The following RECQL4 variants were observed in gnomAD, a reference collection of about 807,000 sequenced individuals.
RECQL4 encodes the protein RecQ like helicase 4, also known as ATP-dependent DNA helicase Q4.
A neutral mutation model predicts 128.6 loss-of-function variants in RECQL4; 158 were observed. The observed-to-expected ratio is 1.23, with a 90% confidence interval of 1.08 to 1.40. The LOEUF (loss-of-function observed/expected upper bound fraction) is 1.40. Ranked by LOEUF, RECQL4 falls within the 40% of genes most tolerant of loss-of-function variation. The pLI, the probability that RECQL4 is intolerant of heterozygous loss-of-function variation, is 0.00. For missense variants in RECQL4, 2,293 were observed against 1,649.8 expected, an observed-to-expected ratio of 1.39 and a Z score of -6.75; for synonymous variants, 996 against 678.9, an observed-to-expected ratio of 1.47 and a Z score of -7.26.
chr8:144,511,333 C>T lies in RECQL4; in HGVS notation c.*98G>A, dbSNP rs910516641. The T allele has an allele frequency of 1.7e-5, 27 of 1,571,830 alleles. No individual in the cohort carries two copies. Among genetic ancestry groups the T allele is most frequent in the South Asian group, 1.3e-4 (11 of 87,254 alleles). Reference sequence around the variant, plus strand: ...TTTATTCTGCATTTTGGAGCCTCCTCGTTCCCACACCCTGTGGCAGGTTTT... The same window carrying T: ...TTTATTCTGCATTTTGGAGCCTCCTTGTTCCCACACCCTGTGGCAGGTTTT... On this transcript the variant is annotated 3_prime_UTR_variant, in exon 21 of 21. Transcript: ENST00000617875.
In RECQL4 at chr8:144,511,623, C is replaced by A. The variant is rs2130650125; in HGVS notation, c.3502+58G>T. On this transcript the variant is annotated intron_variant, in intron 20 of 20. Transcript: ENST00000617875. ...CTGCAGCGGGTGGAGCCTCCCAGGC[C>A]TCACCTGCCCCAGCCCCCAGCCCCA... The A allele has an allele frequency of 1.9e-6, 3 of 1,606,728 alleles. No homozygotes were observed. In the Admixed American group the frequency reaches 5.0e-5, roughly 27 times the overall value.
Position 144,517,114 on chromosome 8 carries a change from C to T in RECQL4, c.290G>A (p.Ser97Asn), listed in dbSNP as rs773114060. Residue 97 changes from serine (S) to asparagine (N), a missense_variant, in exon 4 of 21, where the codon AGC becomes AAC. Coordinates refer to ENST00000617875, the MANE Select transcript of RECQL4 (RefSeq NM_004260.4). ...GTAGTCCGGCACCGAGCCCTGGCGGCTCCGCCCTGGCGTAGACTGTGGACT... is the reference window on the plus strand; with the variant it reads ...GTAGTCCGGCACCGAGCCCTGGCGGTTCCGCCCTGGCGTAGACTGTGGACT... Reference protein sequence around the residue: ...TKSPQSTPGRSRQGSVPDYGQ... With the variant: ...TKSPQSTPGRNRQGSVPDYGQ... 6 of 1,612,360 alleles carry T rather than the reference C, an allele frequency of 3.7e-6. No homozygotes were observed. The highest frequency in any genetic ancestry group is 5.1e-6 in the Non-Finnish European group (6 of 1,179,742).
rs899474226 is a variant in RECQL4 at position 144,515,239 on chromosome 8, G to A, written c.1394C>T (p.Thr465Met). 33 of 1,593,190 alleles carry A rather than the reference G, an allele frequency of 2.1e-5. No homozygotes were observed. Among genetic ancestry groups the A allele is most frequent in the East Asian group, 1.8e-4 (8 of 43,640 alleles). Residue 465 changes from threonine to methionine, a missense_variant, in exon 8 of 21, where the codon ACG (threonine) becomes ATG (methionine). Thr to Met is a moderately conservative substitution (Grantham distance 81, BLOSUM62 -1). Transcript: ENST00000617875. ...SLGPSGQLAE[T>M]PAEVFQALEQ... is the part of the protein sequence containing the mutation. ...CAGGGCCTGGAACACCTCAGCCGGC[G>A]TCTCTGCAGACACAGATGTTGATCA... is the stretch of plus-strand genomic sequence containing the variant.
In RECQL4 at chr8:144,516,437, G is replaced by A. The variant is rs1316434470; in HGVS notation, c.682C>T (p.Leu228Phe). The change falls in exon 5 of 21, where the codon CTT becomes TTT. Residue 228 changes from leucine to phenylalanine, a missense_variant. Physicochemically the swap from Leu to Phe is conservative, Grantham distance 22. Transcript: ENST00000617875. ...QLLIPGESAVLGPGAGSQGPE... is the reference protein window; with the variant it reads ...QLLIPGESAVFGPGAGSQGPE... ...CCCTGGGAGCCAGCACCAGGACCAA[G>A]GACAGCCGACTCACCAGGGATCAGA... 8.1e-6 allele frequency: 13 copies of A among 1,608,826 alleles called. No individual in the cohort carries two copies. The highest frequency in any genetic ancestry group is 1.1e-5 in the Non-Finnish European group (13 of 1,179,770).
rs886042531 is a variant in RECQL4, at chr8:144,517,778, G to A, written c.7C>T (p.Arg3Trp). 1.6e-6 allele frequency: 2 copies of A among 1,238,202 alleles called. No homozygotes were observed. The highest frequency in any genetic ancestry group is 3.2e-5 in the African/African-American group (2 of 63,320). 76.7% of individuals were successfully genotyped at this position (1,238,202 alleles called of 1,614,324 possible). A position where few individuals can be genotyped will look rare whatever the true frequency, so the allele number is the denominator to read the frequency against. The change falls in exon 1 of 21, where the codon CGG (arginine) becomes TGG (tryptophan). Residue 3 changes from arginine to tryptophan, a missense_variant. Physicochemically the swap from Arg to Trp is moderately radical, Grantham distance 101 (BLOSUM62 -3). Transcript: ENST00000617875. ...AGCCGCTCCCGCACGTCCCGCAGCC[G>A]CTCCATGGCGCGCGCGCCCGCCCGG... ME[R>W]LRDVRERLQA...
At position 144,511,421 on chromosome 8, in the gene RECQL4, T is replaced by C. The variant is rs752292609; in HGVS notation, c.*10A>G. Reference sequence around the variant, plus strand: ...CCCAGCTCTACCCGACATCCCCCAATGCAGTGCAGTCAGCGGGCCACCTGC... The same window carrying C: ...CCCAGCTCTACCCGACATCCCCCAACGCAGTGCAGTCAGCGGGCCACCTGC... On this transcript the variant is annotated 3_prime_UTR_variant, in exon 21 of 21. Coordinates refer to ENST00000617875, the MANE Select transcript of RECQL4 (RefSeq NM_004260.4). The C allele has an allele frequency of 1.2e-6, 2 of 1,611,688 alleles. No homozygotes were observed. The highest frequency in any genetic ancestry group is 1.3e-5 in the African/African-American group (1 of 74,922).
At chr8:144,517,026 A>C (rs1564810030) in intron 4 of RECQL4, 24 bp downstream of exon 4, 2 of 1,600,472 alleles carry the variant, frequency 1.2e-6, no homozygotes, top group Non-Finnish European at 1.7e-6. Context: ...CCTAGCGTGG[A>C]CTCACTGCCT....
Position 144,515,092 on chromosome 8 carries a change from G to T in RECQL4, c.1484-20C>A. On this transcript the variant is annotated intron_variant, in intron 8 of 20. Transcript: ENST00000617875. ...AGATGCCTGGATGGGGCGGGAGTCAGCAGCAGGGTTCTGCAGCCTGGCCTC... is the reference window on the plus strand; with the variant it reads ...AGATGCCTGGATGGGGCGGGAGTCATCAGCAGGGTTCTGCAGCCTGGCCTC... 2.5e-6 allele frequency: 4 copies of T among 1,595,668 alleles called. No homozygotes were observed. The East Asian group carries it at 9.1e-5, about 36-fold the overall frequency.
chr8:144,512,695 A>G lies in RECQL4; in HGVS notation c.2832T>C (p.His944=), dbSNP rs754047453. ...WLELLATTYT[H]CRLNCPGGPA... is the part of the protein sequence containing the mutation. ...GGCCCCCAGGGCAGTTCAGACGGCA[A>G]TGGGTATAGGTGGTCGCCAGCAGCT... Residue 944 remains histidine (H), a synonymous_variant, in exon 16 of 21, where the codon CAT becomes CAC. Coordinates refer to ENST00000617875, the MANE Select transcript of RECQL4 (RefSeq NM_004260.4). The G allele has an allele frequency of 1.2e-5, 20 of 1,612,348 alleles. No homozygotes were observed. The highest frequency in any genetic ancestry group is 1.6e-4 in the Middle Eastern group (1 of 6,080).
rs1202487329 is a variant in RECQL4 at position 144,516,161 on chromosome 8, G to A, written c.958C>T (p.His320Tyr). Residue 320 changes from histidine (H) to tyrosine (Y), a missense_variant, in exon 5 of 21, where the codon CAC becomes TAC. Transcript: ENST00000617875. The part of the protein sequence containing the change: ...PCSSPSNPRY[H>Y]GLSPSSQARA... The stretch of plus-strand genomic sequence containing the variant: ...GCTTGACTGGAGGGGCTGAGTCCGT[G>A]GTACCTGGGGTTCGATGGGCTGCTG... 3 of 1,613,284 alleles carry A rather than the reference G, an allele frequency of 1.9e-6. No homozygotes were observed. Among genetic ancestry groups the A allele is most frequent in the African/African-American group, 2.7e-5 (2 of 74,916 alleles).
intron 4 of RECQL4, 139 bp downstream of exon 4, chr8:144,516,911 C>T (rs958712045): frequency 7.1e-7 from 1 of 1,406,790 alleles, no homozygotes; most frequent in African/African-American, 1.4e-5. Context: ...GGCGAAGGCC[C>T]CGAGAAGCTC....
At chr8:144,515,949 G>A (rs771505880) in intron 5 of RECQL4, 39 bp downstream of exon 5, 1 of 1,611,896 alleles carries the variant, frequency 6.2e-7, no homozygotes, top group Admixed American at 1.7e-5. Flanking sequence ...GCTGAGGGGA[G>A]GGAAAGGGAA....
Position 144,513,302 on chromosome 8 carries a change from T to C in RECQL4, c.2379A>G (p.Pro793=), listed in dbSNP as rs780098660. 1 of 1,600,192 alleles carries C rather than the reference T, an allele frequency of 6.2e-7. No homozygotes were observed. Among genetic ancestry groups the C allele is most frequent in the Non-Finnish European group, 8.5e-7 (1 of 1,179,282 alleles). ...VRAVLHLGLP[P]SFESYVQAVG... is the part of the protein sequence containing the mutation. ...CGGCCTGCACGTAGCTCTCGAAGCT[T>C]GGGGGCAGCCCCAGATGCAGCACAG... The change falls in exon 14 of 21, where the codon CCA becomes CCG. Residue 793 remains proline (P), a synonymous_variant. Transcript: ENST00000617875.
Position 144,516,599 on chromosome 8 carries a change from G to C in RECQL4, c.520C>G (p.His174Asp), listed in dbSNP as rs369382124. 7 of 1,610,424 alleles carry C rather than the reference G, an allele frequency of 4.3e-6. No homozygotes were observed. The highest frequency in any genetic ancestry group is 5.9e-6 in the Non-Finnish European group (7 of 1,178,940). ...EPQPRPGRLQ[H>D]LQASLSQRLG... ...CGCTGGCTCAGGGATGCCTGCAGATGCTGGAGCCGGCCTGGCCTTGGCTGG... is the reference window on the plus strand; with the variant it reads ...CGCTGGCTCAGGGATGCCTGCAGATCCTGGAGCCGGCCTGGCCTTGGCTGG... Residue 174 changes from histidine (H) to aspartate (D), a missense_variant, in exon 5 of 21, where the codon CAT becomes GAT. By Grantham distance (81) the His-to-Asp change is moderately conservative (BLOSUM62 -1). Coordinates refer to ENST00000617875, the MANE Select transcript of RECQL4 (RefSeq NM_004260.4).
chr8:144,513,043 G>GCAGGTT lies in RECQL4; in HGVS notation c.2558_2559insAACCTG (p.Ala852_Cys853insTer). On this transcript the variant is annotated stop_gained, in exon 15 of 21. Transcript: ENST00000617875. LOFTEE classifies it high-confidence loss of function. ...AGGGCGGCCTGGTGCAGGTGCAGGT[G>GCAGGTT]CAGGCTGGGAACACGCGCTGTACCA... The GCAGGTT allele has an allele frequency of 6.3e-7, 1 of 1,577,136 alleles. No individual in the cohort carries two copies. The highest frequency in any genetic ancestry group is 8.6e-7 in the Non-Finnish European group (1 of 1,162,882).
chr8:144,513,397 G>C lies in RECQL4; in HGVS notation c.2284C>G (p.Gln762Glu), dbSNP rs779206085. 2 of 1,608,428 alleles carry C rather than the reference G, an allele frequency of 1.2e-6. No individual in the cohort carries two copies. Among genetic ancestry groups the C allele is most frequent in the African/African-American group, 2.7e-5 (2 of 74,944 alleles). Residue 762 changes from glutamine to glutamate, a missense_variant, in exon 14 of 21, where the codon CAG becomes GAG. By Grantham distance (29) the Gln-to-Glu change is conservative (BLOSUM62 2). Transcript: ENST00000617875. ...GCCACCACCACCCGCAACTGGCCCT[G>C]CATGAAGGCTCGCTGTACCCGCCGC... is the stretch of plus-strand genomic sequence containing the variant. Reference protein sequence around the residue: ...ERRRVQRAFMQGQLRVVVATV... With the variant: ...ERRRVQRAFMEGQLRVVVATV...
In RECQL4 at chr8:144,516,046, A is replaced by C. The variant is rs376652305; in HGVS notation, c.1073T>G (p.Met358Arg). The change falls in exon 5 of 21, where the codon ATG becomes AGG. Residue 358 changes from methionine (M) to arginine (R), a missense_variant. Physicochemically the swap from Met to Arg is moderately conservative, Grantham distance 91 (BLOSUM62 -1). Coordinates refer to ENST00000617875, the MANE Select transcript of RECQL4 (RefSeq NM_004260.4). ...GCCCCGCACGTAGTGTTTCTGCTTCATGTTGAGCCGTACGTAATTGCCCCT... is the reference window on the plus strand; with the variant it reads ...GCCCCGCACGTAGTGTTTCTGCTTCCTGTTGAGCCGTACGTAATTGCCCCT... ...HDRGNYVRLN[M>R]KQKHYVRGRA... is the part of the protein sequence containing the mutation. The C allele has an allele frequency of 4.3e-6, 7 of 1,612,478 alleles. No homozygotes were observed. The South Asian group carries it at 6.6e-5, about 15-fold the overall frequency.
intron 19 of RECQL4, 51 bp downstream of exon 19, chr8:144,511,860 A>G: frequency 6.2e-7 from 1 of 1,610,366 alleles, no homozygotes; most frequent in Non-Finnish European, 8.5e-7. Context: ...AGCCCCATGC[A>G]GCCCAGGGAA....
In RECQL4 at chr8:144,513,950, G is replaced by A. The variant is rs750457453; in HGVS notation, c.2036C>T (p.Ser679Phe). 6 of 1,558,808 alleles carry A rather than the reference G, an allele frequency of 3.8e-6. No individual in the cohort carries two copies. Among genetic ancestry groups the A allele is most frequent in the East Asian group, 2.4e-5 (1 of 41,478 alleles). The change falls in exon 12 of 21, where the codon TCC (serine) becomes TTC (phenylalanine). Residue 679 changes from serine to phenylalanine, a missense_variant. Physicochemically the swap from Ser to Phe is radical, Grantham distance 155. Transcript: ENST00000617875. ...PVPTNLHLSVSMDRDTDQALL... is the reference protein window; with the variant it reads ...PVPTNLHLSVFMDRDTDQALL... ...CACCTGGTCTGTGTCCCTGTCCATG[G>A]ACACGGAAAGGTGCAGGTTGGTGGG...
Sources: gnomAD v4.1 joint callset for allele counts on GRCh38, gnomAD v4.1.1 for gene constraint, MANE v1.5 for transcripts, NCBI Gene and HGNC (gene_info 2026-07-23, HGNC 2026-07-21) for gene names.